The following RNF212B variants were observed in gnomAD, a reference collection of about 807,000 sequenced individuals.
RNF212B encodes E3 ubiquitin-protein ligase RNF212B.
Under a neutral mutation model 55.5 loss-of-function variants are expected in RNF212B, and 52 were observed. The ratio of observed to expected loss-of-function variants is 0.94; its 90% CI spans 0.75 to 1.18. RNF212B has a LOEUF of 1.18. Among genes scored for constraint, RNF212B ranks in the 50% most tolerant of loss-of-function variants. RNF212B has a pLI of 0.00. For synonymous variants in RNF212B, 99 were observed against 121.4 expected, an observed-to-expected ratio of 0.82 and a Z score of 1.21; for missense variants, 289 against 350.4, an observed-to-expected ratio of 0.82 and a Z score of 1.40.
chr14:23,196,190 G>C (rs1014314615), intron 2 of RNF212B, among the ~76,000 whole-genome samples: 2 of 152,140 alleles, frequency 1.3e-5, no homozygotes, highest in African/African-American at 4.8e-5. Flanking sequence ...CCATGGAAAA[G>C]TGCCTTTTAC....
chr14:23,211,851 T>C (rs1198554028), intron 2 of RNF212B, among the ~76,000 whole-genome samples: 1 of 152,166 alleles, frequency 6.6e-6, no homozygotes, highest in Non-Finnish European at 1.5e-5. Flanking sequence ...GTCTCCCAAG[T>C]AGCGAGGACT....
chr14:23,231,624 C>A (rs1882617998), intron 2 of RNF212B, among the ~76,000 whole-genome samples: 1 of 151,724 alleles, frequency 6.6e-6, no homozygotes, highest in East Asian at 1.9e-4. Flanking sequence ...CCTCTCCCCT[C>A]TCCCCTCTCC....
At chr14:23,257,312 A>G (rs950542258) in intron 4 of RNF212B, among the ~76,000 whole-genome samples, 1 of 152,194 alleles carries the variant, frequency 6.6e-6, no homozygotes, top group Non-Finnish European at 1.5e-5. Context: ...CATGATCACC[A>G]TGCCTGGCTT....
At chr14:23,249,033 A>G (rs1884215894) in intron 4 of RNF212B, among the ~76,000 whole-genome samples, 1 of 152,222 alleles carries the variant, frequency 6.6e-6, no homozygotes, top group Non-Finnish European at 1.5e-5. Flanking sequence ...GTGTGTAATT[A>G]TGTTCCAATA....
intron 5 of RNF212B, 72 bp from the exon 6 acceptor site, chr14:23,259,812 A>T: frequency 1.4e-6 from 1 of 723,836 alleles, no homozygotes; most frequent in Non-Finnish European, 2.2e-6. Flanking sequence ...AGATGTTAAT[A>T]GTTATAATAA....
intron 2 of RNF212B, among the ~76,000 whole-genome samples, chr14:23,199,115 A>C (rs774078423): frequency 6.6e-6 from 1 of 152,112 alleles, no homozygotes; most frequent in Non-Finnish European, 1.5e-5. Context: ...GGTCTCAGTT[A>C]ATTGTTTATT....
chr14:23,238,452 G>A (rs1425887937), intron 1 of RNF212B, among the ~76,000 whole-genome samples: 1 of 151,936 alleles, frequency 6.6e-6, no homozygotes, highest in Non-Finnish European at 1.5e-5. Context: ...AAAAGTCCCG[G>A]TGCAGTGACT....
chr14:23,229,220 T>TTATATATATATA lies in RNF212B; in HGVS notation c.-1-11094_-1-11083dup, dbSNP rs61656270. Among the ~76,000 whole-genome samples, 128 of 64,952 alleles carry TTATATATATATA rather than the reference T, an allele frequency of 2.0e-3. 4 individuals are homozygous for TTATATATATATA. Among genetic ancestry groups the TTATATATATATA allele is most frequent in the South Asian group, 6.1e-3 (6 of 990 alleles). The allele number at this position is 64,952 out of a possible 152,430, so 42.6% of individuals were successfully genotyped here. A position where few individuals can be genotyped will look rare whatever the true frequency, so the allele number is the denominator to read the frequency against. On this transcript the variant is annotated intron_variant, in intron 2 of 15. Coordinates refer to the RNF212B transcript ENST00000399910. ...ATTTCCTTTATGGCTGAATAATATTTTATATATATATATATATATATATAT... is the reference window on the plus strand; with the variant it reads ...ATTTCCTTTATGGCTGAATAATATTTTATATATATATATATATATATATATATATATATATAT...
rs1555313758 is a variant in RNF212B at position 23,226,826 on chromosome 14, T to TTA, written c.-1-13519_-1-13518insTA. On this transcript the variant is annotated intron_variant, in intron 2 of 15. Transcript: ENST00000399910. ...TTCTTCTTCTTCTTTTTTTTTTTTT[T>TTA]AATAGAGAGGAGGTCTATGTTGCTC... 2.5e-3 allele frequency among the ~76,000 whole-genome samples: 364 copies of TTA among 145,270 alleles called. 4 individuals carry two copies. Among genetic ancestry groups the TTA allele is most frequent in the East Asian group, 0.019 (93 of 5,000 alleles).
At chr14:23,204,536 G>T (rs546739859) in intron 2 of RNF212B, among the ~76,000 whole-genome samples, 1 of 152,262 alleles carries the variant, frequency 6.6e-6, no homozygotes, top group East Asian at 1.9e-4. Flanking sequence ...TTGGCTGTAA[G>T]TATTTGGTTT....
intron 2 of RNF212B, among the ~76,000 whole-genome samples, chr14:23,205,152 T>C (rs1327013919): frequency 6.6e-6 from 1 of 152,146 alleles, no homozygotes; most frequent in Non-Finnish European, 1.5e-5. Context: ...ATTATTTCTC[T>C]TTAAGCTTTC....
chr14:23,253,389 A>C (rs1462313944), intron 4 of RNF212B, among the ~76,000 whole-genome samples: 1 of 152,110 alleles, frequency 6.6e-6, no homozygotes, highest in African/African-American at 2.4e-5. Flanking sequence ...TATTGAAGAA[A>C]ATGGTCTTTT....
chr14:23,244,994 A>T (rs1174256349), intron 4 of RNF212B, among the ~76,000 whole-genome samples: 1 of 152,136 alleles, frequency 6.6e-6, no homozygotes, highest in Non-Finnish European at 1.5e-5. Flanking sequence ...AGGCAGGACA[A>T]CCATTTGAGA....
chr14:23,204,540 T>C (rs1566394165), intron 2 of RNF212B, among the ~76,000 whole-genome samples: 1 of 152,200 alleles, frequency 6.6e-6, no homozygotes, highest in Non-Finnish European at 1.5e-5. Flanking sequence ...CTGTAAGTAT[T>C]TGGTTTATTT....
chr14:23,204,495 TTA>T (rs1275094280), intron 2 of RNF212B, among the ~76,000 whole-genome samples: 3 of 152,152 alleles, frequency 2.0e-5, no homozygotes, highest in Admixed American at 2.0e-4. Flanking sequence ...TTTCCCCACT[TTA>T]TGTTTTTGTT....
chr14:23,264,307 C>G, intron 10 of RNF212B, 73 bp downstream of exon 10: 1 of 1,258,318 alleles, frequency 7.9e-7, no homozygotes, highest in Non-Finnish European at 1.1e-6. Context: ...TTATCAAGAA[C>G]TTAAATTTAT....
intron 2 of RNF212B, among the ~76,000 whole-genome samples, chr14:23,225,092 C>A (rs933088503): frequency 1.8e-4 from 27 of 150,606 alleles, no homozygotes; most frequent in African/African-American, 6.4e-4. Context: ...AAAAAAAAAA[C>A]ACCTACAATA....
upstream of RNF212B, among the ~76,000 whole-genome samples, chr14:23,236,405 C>T (rs1250027835): frequency 1.3e-5 from 2 of 152,078 alleles, no homozygotes; most frequent in East Asian, 1.9e-4. Context: ...ATCCCAGCTA[C>T]TCAGGAGGCT....
chr14:23,249,444 C>A (rs1448384113), intron 4 of RNF212B, among the ~76,000 whole-genome samples: 2 of 152,114 alleles, frequency 1.3e-5, no homozygotes, highest in East Asian at 1.9e-4. Context: ...ACTCAGGAGG[C>A]TGAGGTGGGA....
Sources: gnomAD v4.1 joint callset for allele counts (sites outside exome capture counted in the v4.1 genomes callset) on GRCh38, gnomAD v4.1.1 for gene constraint, MANE v1.5 for transcripts, NCBI Gene and HGNC (gene_info 2026-07-23, HGNC 2026-07-21) for gene names.